DPYS: variants seen among roughly 807,000 people sequenced by gnomAD.
The protein encoded by DPYS is dihydropyrimidine amidohydrolase.
DPYS carries 39 observed loss-of-function variants against 50.3 expected under a neutral mutation model. The observed-to-expected ratio is 0.78, with a 90% CI of 0.60 to 1.01. The LOEUF is 1.01. DPYS is among the 50% of genes least tolerant of loss of function. DPYS has a pLI of 0.00. For synonymous variants in DPYS, 245 were observed against 250.7 expected, an observed-to-expected ratio of 0.98 and a Z score of 0.22; for missense variants, 659 against 680.9, an observed-to-expected ratio of 0.97 and a Z score of 0.36.
Position 104,449,647 on chromosome 8 carries a change from G to T in DPYS, c.423+1599C>A, listed in dbSNP as rs1813662936. Among the ~76,000 whole-genome samples the T allele has an allele frequency of 2.6e-5, 4 of 152,204 alleles. No individual in the cohort carries two copies. The South Asian group carries it at 8.3e-4, about 31-fold the overall frequency. ...CATGTGCGCTTTATCCAATGTAACT[G>T]CTGCCCTTATATCAAGTGGAAACTG... On this transcript the variant is annotated intron_variant, in intron 2 of 9. Transcript: ENST00000351513.
intron 2 of DPYS, among the ~76,000 whole-genome samples, chr8:104,450,150 G>T (rs1813682668): frequency 1.2e-5 from 1 of 82,310 alleles, no homozygotes; most frequent in Non-Finnish European, 3.2e-5. Context: ...AAGAAAGAAG[G>T]AAGGGAGGAA....
chr8:104,443,573 T>A (rs1813423790), intron 4 of DPYS, among the ~76,000 whole-genome samples: 1 of 152,102 alleles, frequency 6.6e-6, no homozygotes, highest in African/African-American at 2.4e-5. Context: ...TGGAGCTGCC[T>A]AAGAGATAGG....
At chr8:104,460,949 T>C (rs1382578155) in intron 1 of DPYS, among the ~76,000 whole-genome samples, 1 of 152,038 alleles carries the variant, frequency 6.6e-6, no homozygotes, top group Non-Finnish European at 1.5e-5. Flanking sequence ...CAGTAAGAAG[T>C]GCTACGTTTT....
chr8:104,465,950 T>C (rs1334628809), intron 1 of DPYS, among the ~76,000 whole-genome samples: 5 of 151,802 alleles, frequency 3.3e-5, no homozygotes, highest in Non-Finnish European at 5.9e-5. Flanking sequence ...GCAAGTGGGA[T>C]GGAGAAAAGA....
At chr8:104,384,265 G>T (rs1400533252) in intron 8 of DPYS, among the ~76,000 whole-genome samples, 1 of 152,188 alleles carries the variant, frequency 6.6e-6, no homozygotes, top group African/African-American at 2.4e-5. Flanking sequence ...AAGCCTCTCA[G>T]CCCTTTTAAC....
intron 4 of DPYS, among the ~76,000 whole-genome samples, chr8:104,440,764 A>T (rs1005361013): frequency 6.6e-6 from 1 of 152,114 alleles, no homozygotes; most frequent in Non-Finnish European, 1.5e-5. Context: ...GTCTCAAAAA[A>T]AAAACATAAA....
At chr8:104,417,145 C>T (rs117608068) in intron 7 of DPYS, among the ~76,000 whole-genome samples, 1 of 152,164 alleles carries the variant, frequency 6.6e-6, no homozygotes, top group Non-Finnish European at 1.5e-5. Context: ...TATGTCTGCT[C>T]GGCAGAATAC....
intron 5 of DPYS, among the ~76,000 whole-genome samples, chr8:104,428,546 C>T (rs1812817685): frequency 6.6e-6 from 1 of 152,240 alleles, no homozygotes; most frequent in Non-Finnish European, 1.5e-5. Flanking sequence ...CATGGTGATC[C>T]TCATGAATGG....
At chr8:104,427,008 C>A (rs1157494213) in intron 6 of DPYS, among the ~76,000 whole-genome samples, 4 of 151,990 alleles carry the variant, frequency 2.6e-5, no homozygotes, top group Non-Finnish European at 4.4e-5. Flanking sequence ...TGAAACCAGC[C>A]TGGCCAACAT....
intron 7 of DPYS, chr8:104,419,964 G>A (rs1812490872): frequency 6.6e-6 from 1 of 152,174 alleles, no homozygotes; most frequent in African/African-American, 2.4e-5. Context: ...AACCAGCTGT[G>A]GGGTACATAG....
intron 7 of DPYS, among the ~76,000 whole-genome samples, chr8:104,417,534 T>C (rs1812407765): frequency 1.3e-5 from 2 of 152,250 alleles, no homozygotes; most frequent in Non-Finnish European, 2.9e-5. Flanking sequence ...ACCAAGATCT[T>C]CTACAGAAAT....
At chr8:104,452,189 TATATTACATTACATC>T (rs1413672577) in intron 1 of DPYS, among the ~76,000 whole-genome samples, 2 of 152,232 alleles carry the variant, frequency 1.3e-5, no homozygotes, top group Non-Finnish European at 2.9e-5. Flanking sequence ...CTTAGCACAT[TATATTACATTACATC>T]ACTACTAATT....
intron 7 of DPYS, among the ~76,000 whole-genome samples, chr8:104,419,300 A>G (rs10505058): frequency 0.69 from 105,369 of 152,114 alleles, 37,177 homozygotes; most frequent in African/African-American, 0.8. Context: ...TAGTCCTGCC[A>G]ATCTTCCATG....
At chr8:104,441,104 GGA>G (rs1488279724) in intron 4 of DPYS, among the ~76,000 whole-genome samples, 1 of 152,124 alleles carries the variant, frequency 6.6e-6, no homozygotes, top group Non-Finnish European at 1.5e-5. Flanking sequence ...GCATGGGGTA[GGA>G]AATCTTTCAA....
intron 2 of DPYS, 91 bp from the exon 3 acceptor site, chr8:104,447,594 AC>A: frequency 9.7e-6 from 14 of 1,449,766 alleles, no homozygotes; most frequent in Non-Finnish European, 1.3e-5. Flanking sequence ...TCGGAAGAGA[AC>A]TAAGTAAAAT....
intron 7 of DPYS, among the ~76,000 whole-genome samples, chr8:104,401,717 G>A (rs1166577433): frequency 1.3e-5 from 2 of 152,160 alleles, no homozygotes; most frequent in Non-Finnish European, 2.9e-5. Flanking sequence ...TTCTAAGTGT[G>A]TGTTCTGTCT....
In DPYS at chr8:104,466,703, G is replaced by A. The variant is rs1314309578; in HGVS notation, c.218C>T (p.Pro73Leu). Residue 73 changes from proline (P) to leucine (L), a missense_variant, in exon 1 of 10, where the codon CCC becomes CTC. By Grantham distance (98) the Pro-to-Leu change is moderately conservative. Transcript: ENST00000351513. ...GTCGATGGACCGCGAGCCCATGAAGGGGAACTGCATGTGCGTGTGTGTGTC... is the reference window on the plus strand; with the variant it reads ...GTCGATGGACCGCGAGCCCATGAAGAGGAACTGCATGTGCGTGTGTGTGTC... ...GIDTHTHMQF[P>L]FMGSRSIDDF... is the part of the protein sequence containing the mutation. 6.5e-7 allele frequency: 1 copy of A among 1,532,696 alleles called. No homozygotes were observed. Among genetic ancestry groups the A allele is most frequent in the Non-Finnish European group, 8.7e-7 (1 of 1,143,752 alleles). The allele number at this position is 1,532,696 out of a possible 1,614,324, so 94.9% of individuals were successfully genotyped here.
chr8:104,451,104 C>T (rs1046182835), intron 2 of DPYS, 142 bp downstream of exon 2: 1 of 1,021,142 alleles, frequency 9.8e-7, no homozygotes, highest in Non-Finnish European at 1.5e-6. Flanking sequence ...TCAAAAGATA[C>T]AAAAGAATAT....
chr8:104,465,651 A>T (rs1174842902), intron 1 of DPYS, among the ~76,000 whole-genome samples: 4 of 152,126 alleles, frequency 2.6e-5, no homozygotes, highest in Non-Finnish European at 5.9e-5. Context: ...CCACACATGA[A>T]ATATACTAAC....
Sources: allele counts gnomAD v4.1 joint callset (sites outside exome capture counted in the v4.1 genomes callset), GRCh38; gene constraint gnomAD v4.1.1; transcripts MANE v1.5; gene names NCBI Gene and HGNC (gene_info 2026-07-23, HGNC 2026-07-21).